The following NRG2 variants were observed in gnomAD, a reference collection of about 807,000 sequenced individuals.
NRG2 encodes the protein neuregulin 2.
Under a neutral mutation model 73.9 loss-of-function variants are expected in NRG2, and 27 were observed. That is an observed-to-expected ratio of 0.37 (90% CI 0.27 to 0.50). NRG2 has a LOEUF of 0.50. NRG2 is among the 20% of genes least tolerant of loss of function. The pLI is 0.96. For missense variants in NRG2, 1,126 were observed against 1,210.1 expected (o/e 0.93, Z 1.03); for synonymous variants, 532 against 541.0 (o/e 0.98, Z 0.23).
rs751999438 is a variant in NRG2 at position 139,887,302 on chromosome 5, C to G, written c.872+38G>C. 2 of 1,607,686 alleles carry G rather than the reference C, an allele frequency of 1.2e-6. No individual in the cohort carries two copies. Among genetic ancestry groups the G allele is most frequent in the African/African-American group, 1.3e-5 (1 of 74,872 alleles). On this transcript the variant is annotated intron_variant, in intron 2 of 9. Coordinates refer to ENST00000361474, the MANE Select transcript of NRG2 (RefSeq NM_004883.3). The surrounding 1 kb of genome is among the most constrained non-coding windows in gnomAD (Gnocchi z 4.5). Reference sequence around the variant, plus strand: ...CACTCCTTCTCGAGAGGAGGGAGGGCAGCTGCTTGGATGGAGGACAGGCTG... The same window carrying G: ...CACTCCTTCTCGAGAGGAGGGAGGGGAGCTGCTTGGATGGAGGACAGGCTG...
At chr5:139,933,318 G>A (rs985702723) in intron 1 of NRG2, among the ~76,000 whole-genome samples, 2 of 151,490 alleles carry the variant, frequency 1.3e-5, no homozygotes, top group Non-Finnish European at 2.9e-5. Flanking sequence ...CCTCAAAAGG[G>A]ACACTTTAAA....
intron 1 of NRG2, among the ~76,000 whole-genome samples, chr5:139,899,111 A>G (rs1263435667): frequency 6.6e-6 from 1 of 152,234 alleles, no homozygotes; most frequent in Non-Finnish European, 1.5e-5. Flanking sequence ...ACAGGATCTC[A>G]GCCAGCACTG....
chr5:140,042,432 G>A lies in NRG2; in HGVS notation c.638C>T (p.Pro213Leu), dbSNP rs1296536167. The A allele has an allele frequency of 6.2e-7, 1 of 1,609,620 alleles. No homozygotes were observed. Among genetic ancestry groups the A allele is most frequent in the Non-Finnish European group, 8.5e-7 (1 of 1,178,022 alleles). ...GAGATTTTTGCCGTTGGTATCGAGG[G>A]GGGCAAAGGCCGTCTTAAAGACTAA... ...QPLVFKTAFA[P>L]LDTNGKNLKK... Residue 213 changes from proline (P) to leucine (L), a missense_variant, in exon 1 of 10, where the codon CCC becomes CTC. Pro to Leu is a moderately conservative substitution (Grantham distance 98). Coordinates refer to ENST00000361474, the MANE Select transcript of NRG2 (RefSeq NM_004883.3).
chr5:139,999,018 C>T (rs1758236501), intron 1 of NRG2, among the ~76,000 whole-genome samples: 1 of 152,096 alleles, frequency 6.6e-6, no homozygotes, highest in Admixed American at 6.6e-5. Flanking sequence ...AAAGTCACAC[C>T]TCAAACACAC....
chr5:140,006,545 T>C (rs1310954146), intron 1 of NRG2, among the ~76,000 whole-genome samples: 1 of 152,230 alleles, frequency 6.6e-6, no homozygotes, highest in Non-Finnish European at 1.5e-5. Flanking sequence ...TATAATAATG[T>C]TCTACAACTG....
chr5:139,943,879 G>GCAAACAAA (rs372609011), intron 1 of NRG2, among the ~76,000 whole-genome samples: 6 of 152,114 alleles, frequency 3.9e-5, no homozygotes, highest in African/African-American at 1.4e-4. Context: ...CACTGGCAAT[G>GCAAACAAA]CAAACAAACA....
At chr5:139,862,267 G>T (rs1762195801) in intron 5 of NRG2, among the ~76,000 whole-genome samples, 1 of 152,184 alleles carries the variant, frequency 6.6e-6, no homozygotes, top group African/African-American at 2.4e-5. Flanking sequence ...TGAGTCAAAG[G>T]CCAGTACTGT....
chr5:139,848,774 G>GGGT, intron 9 of NRG2, 77 bp from the exon 10 acceptor site: 1 of 639,890 alleles, frequency 1.6e-6, no homozygotes, highest in Non-Finnish European at 2.2e-6. Flanking sequence ...GGTGGGGTAG[G>GGGT]GTGGGAGGGG....
intron 5 of NRG2, among the ~76,000 whole-genome samples, chr5:139,858,503 G>T (rs760011109): frequency 6.6e-6 from 1 of 152,140 alleles, no homozygotes; most frequent in Non-Finnish European, 1.5e-5. Context: ...TTTGCTTGTT[G>T]TCACCTGTGA....
intron 1 of NRG2, among the ~76,000 whole-genome samples, chr5:139,946,418 A>T (rs1474824345): frequency 6.6e-6 from 1 of 152,128 alleles, no homozygotes; most frequent in African/African-American, 2.4e-5. Flanking sequence ...CTAGATATCC[A>T]CAGCAAAATA....
chr5:139,920,108 C>T (rs777839529), intron 1 of NRG2, among the ~76,000 whole-genome samples: 6 of 152,130 alleles, frequency 3.9e-5, no homozygotes, highest in South Asian at 2.1e-4. Context: ...GAGGTAAAGA[C>T]GTATAGACTA....
chr5:139,902,238 G>T (rs1313204870), intron 1 of NRG2, among the ~76,000 whole-genome samples: 1 of 152,222 alleles, frequency 6.6e-6, no homozygotes, highest in Admixed American at 6.5e-5. Context: ...CCCGGTTAGG[G>T]ATACCAAGCC....
chr5:139,851,905 C>T lies in NRG2; in HGVS notation c.1545-74G>A, dbSNP rs372316354. The stretch of plus-strand genomic sequence containing the variant: ...GGCCCAGCAGGTGTGGTCCCATGGA[C>T]CTCCCTGGCTCTTCTTCCACCTCGA... On this transcript the variant is annotated intron_variant, in intron 8 of 9. Transcript: ENST00000361474. The surrounding 1 kb of genome is among the most constrained non-coding windows in gnomAD (Gnocchi z 4.2). The T allele has an allele frequency of 6.1e-6, 8 of 1,301,868 alleles. No individual in the cohort carries two copies. Among genetic ancestry groups the T allele is most frequent in the African/African-American group, 1.5e-5 (1 of 68,476 alleles). The allele number at this position is 1,301,868 out of a possible 1,614,324, so 80.6% of individuals were successfully genotyped here.
intron 1 of NRG2, among the ~76,000 whole-genome samples, chr5:139,974,331 G>A (rs567778193): frequency 6.6e-6 from 1 of 152,212 alleles, no homozygotes; most frequent in African/African-American, 2.4e-5. Flanking sequence ...ATTCTCAAGG[G>A]GAGTACCTCT....
intron 1 of NRG2, among the ~76,000 whole-genome samples, chr5:139,968,004 A>C: frequency 6.6e-6 from 1 of 151,476 alleles, no homozygotes; most frequent in Non-Finnish European, 1.5e-5. Flanking sequence ...TAAATAAATA[A>C]ATAAATAAAT....
rs1463792475 is a variant in NRG2 at position 139,874,538 on chromosome 5, C to T, written c.992-2697G>A. Among the ~76,000 whole-genome samples the T allele has an allele frequency of 2.0e-5, 3 of 152,338 alleles. No homozygotes were observed. In the East Asian group the frequency reaches 5.8e-4, roughly 29 times the overall value. ...TCCATCCATGTCTTGCTACCTCCTC[C>T]CCTAGTCCAGGCCACCATTGTCTCT... On this transcript the variant is annotated intron_variant, in intron 3 of 9. Transcript: ENST00000361474.
At chr5:139,946,212 T>G (rs938093276) in intron 1 of NRG2, among the ~76,000 whole-genome samples, 3 of 152,086 alleles carry the variant, frequency 2.0e-5, no homozygotes, top group African/African-American at 7.2e-5. Context: ...CTTTCAAAAC[T>G]TACTATAAGC....
At chr5:140,016,336 C>A (rs79701658) in intron 1 of NRG2, among the ~76,000 whole-genome samples, 2,384 of 152,204 alleles carry the variant, frequency 0.016, 54 homozygotes, top group African/African-American at 0.054. Context: ...AAATTTTGGA[C>A]CAGATAATTT....
At position 139,853,110 on chromosome 5, in the gene NRG2, A is replaced by G; in HGVS notation, c.1293-83T>C. 1 of 1,573,192 alleles carries G rather than the reference A, an allele frequency of 6.4e-7. No individual in the cohort carries two copies. Among genetic ancestry groups the G allele is most frequent in the Non-Finnish European group, 8.6e-7 (1 of 1,158,236 alleles). ...TCCCTAGCTATCTCTCTAGGGAAAC[A>G]GCTTTTCCTCCTGCCCAGGGTGGCC... On this transcript the variant is annotated intron_variant, in intron 6 of 9. Transcript: ENST00000361474. This position sits in a 1 kb window ranked among gnomAD's most constrained non-coding sequence, Gnocchi z 4.1.
Sources: allele counts gnomAD v4.1 joint callset (sites outside exome capture counted in the v4.1 genomes callset), GRCh38; gene constraint gnomAD v4.1.1; non-coding constraint Gnocchi (gnomAD v3.1); transcripts MANE v1.5; gene names NCBI Gene and HGNC (gene_info 2026-07-23, HGNC 2026-07-21).